Variants in VWC2L observed in about 807,000 individuals in gnomAD.
VWC2L encodes von Willebrand factor C domain containing 2 like.
VWC2L carries 10 observed loss-of-function variants against 21.6 expected under a neutral mutation model. The ratio of observed to expected loss-of-function variants is 0.46; its 90% confidence interval spans 0.29 to 0.78. VWC2L has a LOEUF of 0.78. VWC2L is among the 30% of genes least tolerant of loss of function. The probability of loss-of-function intolerance (pLI) is 0.10; values close to 1 mark genes in which losing one functional copy is unlikely to be tolerated. For missense variants in VWC2L, 209 were observed against 277.1 expected, an observed-to-expected ratio of 0.75 and a Z score of 1.74; for synonymous variants, 96 against 94.3, an observed-to-expected ratio of 1.02 and a Z score of -0.10.
chr2:214,422,110 G>C (rs946131625), intron 2 of VWC2L, among the ~76,000 whole-genome samples: 3 of 151,152 alleles, frequency 2.0e-5, no homozygotes, highest in African/African-American at 7.3e-5. Flanking sequence ...GGATGGTCTC[G>C]ATCTCCTGAC....
At chr2:214,518,183 T>A (rs1307432731) in intron 3 of VWC2L, among the ~76,000 whole-genome samples, 1 of 151,952 alleles carries the variant, frequency 6.6e-6, no homozygotes, top group Non-Finnish European at 1.5e-5. Flanking sequence ...AAAAAATGAA[T>A]TAGTACTGTA....
chr2:214,574,230 C>G (rs185847307), intron 3 of VWC2L, among the ~76,000 whole-genome samples: 1 of 152,148 alleles, frequency 6.6e-6, no homozygotes, highest in Non-Finnish European at 1.5e-5. Flanking sequence ...AGAGCTGACC[C>G]TTATTTCCCT....
intron 2 of VWC2L, among the ~76,000 whole-genome samples, chr2:214,435,241 T>G (rs1247517945): frequency 6.6e-6 from 1 of 152,104 alleles, no homozygotes. Flanking sequence ...ATCAGAAAAA[T>G]CTCAACCCTT....
chr2:214,553,006 C>T (rs1446908764), intron 3 of VWC2L, among the ~76,000 whole-genome samples: 1 of 152,212 alleles, frequency 6.6e-6, no homozygotes, highest in Non-Finnish European at 1.5e-5. Flanking sequence ...TTATTTCCTT[C>T]CTCTTCCATA....
At chr2:214,490,030 G>A (rs1688724058) in intron 3 of VWC2L, among the ~76,000 whole-genome samples, 1 of 152,206 alleles carries the variant, frequency 6.6e-6, no homozygotes. Flanking sequence ...CTGGGAAGAA[G>A]AAATTGCAGT....
chr2:214,533,660 A>G (rs113744252), intron 3 of VWC2L, among the ~76,000 whole-genome samples: 5 of 152,282 alleles, frequency 3.3e-5, no homozygotes, highest in African/African-American at 1.2e-4. Context: ...ATGCAAATTC[A>G]GCCCAAGAGT....
At chr2:214,493,505 T>C (rs1248863588) in intron 3 of VWC2L, among the ~76,000 whole-genome samples, 1 of 152,204 alleles carries the variant, frequency 6.6e-6, no homozygotes, top group East Asian at 1.9e-4. Flanking sequence ...TTTCTCTCTA[T>C]TCCTTTGCAT....
intron 3 of VWC2L, among the ~76,000 whole-genome samples, chr2:214,534,538 G>T (rs958279240): frequency 6.6e-6 from 1 of 152,064 alleles, no homozygotes; most frequent in Non-Finnish European, 1.5e-5. Context: ...TAGAGCTGCT[G>T]CATGACTCTG....
At chr2:214,519,850 A>T (rs1689204557) in intron 3 of VWC2L, among the ~76,000 whole-genome samples, 1 of 152,180 alleles carries the variant, frequency 6.6e-6, no homozygotes, top group South Asian at 2.1e-4. Flanking sequence ...ACCACAAGGG[A>T]AATGGTCTAT....
At chr2:214,555,337 T>C (rs758865446) in intron 3 of VWC2L, among the ~76,000 whole-genome samples, 1 of 152,178 alleles carries the variant, frequency 6.6e-6, no homozygotes, top group Non-Finnish European at 1.5e-5. Flanking sequence ...TCCAACCACC[T>C]TGGGCATATG....
intron 3 of VWC2L, among the ~76,000 whole-genome samples, chr2:214,563,481 A>G (rs1372777432): frequency 6.8e-6 from 1 of 146,138 alleles, no homozygotes; most frequent in Non-Finnish European, 1.5e-5. Flanking sequence ...CAGGAGGCAG[A>G]GCTTGCAATG....
intron 3 of VWC2L, among the ~76,000 whole-genome samples, chr2:214,455,523 T>A (rs1426226707): frequency 6.6e-6 from 1 of 152,220 alleles, no homozygotes; most frequent in East Asian, 1.9e-4. Context: ...GCCACTAGCA[T>A]TTATCATTGC....
chr2:214,493,979 T>C (rs1281133001), intron 3 of VWC2L, among the ~76,000 whole-genome samples: 1 of 152,150 alleles, frequency 6.6e-6, no homozygotes, highest in African/African-American at 2.4e-5. Flanking sequence ...AATGAATCAG[T>C]GTAGTACACC....
intron 3 of VWC2L, among the ~76,000 whole-genome samples, chr2:214,496,079 A>G (rs1330404185): frequency 3.9e-5 from 6 of 152,128 alleles, no homozygotes; most frequent in Admixed American, 3.9e-4. Flanking sequence ...GTATATTTAT[A>G]TACTGTAGCC....
chr2:214,484,553 A>C (rs573565103), intron 3 of VWC2L, among the ~76,000 whole-genome samples: 1 of 152,184 alleles, frequency 6.6e-6, no homozygotes. Context: ...AGCAGTGATC[A>C]TACGGCAGAA....
intron 3 of VWC2L, among the ~76,000 whole-genome samples, chr2:214,548,649 T>C (rs1204274514): frequency 6.6e-6 from 1 of 152,212 alleles, no homozygotes; most frequent in East Asian, 1.9e-4. Flanking sequence ...ACAGACAATT[T>C]GTCAAGGGGC....
At chr2:214,425,640 T>C (rs1328679025) in intron 2 of VWC2L, among the ~76,000 whole-genome samples, 1 of 152,208 alleles carries the variant, frequency 6.6e-6, no homozygotes, top group East Asian at 1.9e-4. Context: ...TATTTCTGCT[T>C]ACTTAGGTAC....
At chr2:214,521,280 A>AAATAAAT (rs1264716405) in intron 3 of VWC2L, among the ~76,000 whole-genome samples, 23 of 147,084 alleles carry the variant, frequency 1.6e-4, no homozygotes, top group East Asian at 1.2e-3. Context: ...AATAAATAAA[A>AAATAAAT]CTACCAAGTT....
At chr2:214,424,014 C>A (rs1238289852) in intron 2 of VWC2L, among the ~76,000 whole-genome samples, 2 of 151,906 alleles carry the variant, frequency 1.3e-5, no homozygotes, top group Non-Finnish European at 2.9e-5. Context: ...ATTAGAACAA[C>A]AACAACAACA....
Sources: allele counts gnomAD v4.1 joint callset (sites outside exome capture counted in the v4.1 genomes callset), GRCh38; gene constraint gnomAD v4.1.1; transcripts MANE v1.5; gene names NCBI Gene and HGNC (gene_info 2026-07-23, HGNC 2026-07-21).